FAM110B: variants seen among roughly 807,000 people sequenced by gnomAD.
FAM110B encodes family with sequence similarity 110 member B.
Under a neutral mutation model 20.4 loss-of-function variants are expected in FAM110B, and 6 were observed. The observed-to-expected ratio is 0.29, with a 90% CI of 0.16 to 0.58. FAM110B has a LOEUF of 0.58. FAM110B is among the 20% of genes least tolerant of loss of function. The pLI is 0.90. For synonymous variants in FAM110B, 226 were observed against 214.1 expected (o/e 1.06, Z -0.49); for missense variants, 434 against 498.2 (o/e 0.87, Z 1.23).
intron 3 of FAM110B, among the ~76,000 whole-genome samples, chr8:58,097,010 A>C (rs1273892265): frequency 6.6e-6 from 1 of 151,958 alleles, no homozygotes; most frequent in Non-Finnish European, 1.5e-5. Flanking sequence ...GAATCTGACG[A>C]TTATGTGTCT....
intron 1 of FAM110B, among the ~76,000 whole-genome samples, chr8:58,026,174 T>C (rs1025136358): frequency 1.6e-4 from 25 of 152,238 alleles, no homozygotes; most frequent in Non-Finnish European, 3.1e-4. Context: ...ATGCTTCTGA[T>C]AGTGCACCCT....
At chr8:58,018,442 GGTATATATAT>G (rs1284260116) in intron 1 of FAM110B, among the ~76,000 whole-genome samples, 1 of 151,930 alleles carries the variant, frequency 6.6e-6, no homozygotes, top group Non-Finnish European at 1.5e-5. Flanking sequence ...GAGTTTGCAT[GGTATATATAT>G]GTATATATTT....
intron 3 of FAM110B, among the ~76,000 whole-genome samples, chr8:58,143,031 C>T (rs1444757669): frequency 7.9e-6 from 1 of 126,882 alleles, no homozygotes; most frequent in Admixed American, 8.0e-5. Context: ...ATGGTTATCT[C>T]GTACAAAGTC....
At chr8:57,997,500 A>G (rs1466286662) in intron 1 of FAM110B, among the ~76,000 whole-genome samples, 1 of 152,176 alleles carries the variant, frequency 6.6e-6, no homozygotes, top group African/African-American at 2.4e-5. Context: ...AACTAATCTG[A>G]ACTTTTTTTC....
intron 3 of FAM110B, among the ~76,000 whole-genome samples, chr8:58,137,904 G>T (rs140786369): frequency 2.0e-3 from 308 of 152,304 alleles, no homozygotes; most frequent in Non-Finnish European, 3.6e-3. Flanking sequence ...CTCACATCAA[G>T]ATCAAAACTC....
At chr8:58,129,492 C>T (rs1023283544) in intron 3 of FAM110B, among the ~76,000 whole-genome samples, 2 of 152,258 alleles carry the variant, frequency 1.3e-5, no homozygotes, top group Non-Finnish European at 2.9e-5. Context: ...CCCTTCGGGG[C>T]CCCTGTTGGT....
At chr8:58,031,076 G>T (rs1804953424) in intron 1 of FAM110B, among the ~76,000 whole-genome samples, 1 of 152,176 alleles carries the variant, frequency 6.6e-6, no homozygotes, top group South Asian at 2.1e-4. Context: ...AGAAGTCCAG[G>T]ACCAGCGGAA....
chr8:58,131,655 G>A (rs1803471478), intron 3 of FAM110B, among the ~76,000 whole-genome samples: 1 of 152,070 alleles, frequency 6.6e-6, no homozygotes, highest in African/African-American at 2.4e-5. Context: ...TTTCTTTTCA[G>A]CACCCATGCT....
intron 3 of FAM110B, among the ~76,000 whole-genome samples, chr8:58,078,628 G>A (rs1806099560): frequency 7.2e-6 from 1 of 139,806 alleles, no homozygotes; most frequent in South Asian, 2.2e-4. Context: ...TCGGCTCACT[G>A]CAAGCTCCGC....
intron 3 of FAM110B, among the ~76,000 whole-genome samples, chr8:58,131,155 A>G (rs1803453529): frequency 6.6e-6 from 1 of 152,198 alleles, no homozygotes; most frequent in African/African-American, 2.4e-5. Context: ...CCTATAAGTC[A>G]TTATTCTCTG....
At chr8:58,070,719 G>T (rs925794157) in intron 2 of FAM110B, among the ~76,000 whole-genome samples, 2 of 152,142 alleles carry the variant, frequency 1.3e-5, no homozygotes, top group Non-Finnish European at 2.9e-5. Flanking sequence ...GACTTTGTTT[G>T]CATTGAGTCC....
chr8:58,136,053 C>T (rs1196691459), intron 3 of FAM110B, among the ~76,000 whole-genome samples: 2 of 133,430 alleles, frequency 1.5e-5, no homozygotes, highest in African/African-American at 5.7e-5. Flanking sequence ...AGCTGTGTCT[C>T]CAGGCTGAAG....
At chr8:58,008,399 C>T (rs995893622) in intron 1 of FAM110B, among the ~76,000 whole-genome samples, 2 of 152,114 alleles carry the variant, frequency 1.3e-5, no homozygotes, top group South Asian at 2.1e-4. Flanking sequence ...TCTCAAAGTA[C>T]TGGGATTACA....
At chr8:58,106,173 A>G (rs561676696) in intron 3 of FAM110B, 20 of 152,238 alleles carry the variant, frequency 1.3e-4, no homozygotes, top group Non-Finnish European at 2.2e-4. Context: ...TAGTTACCAT[A>G]GTATATTAAC....
intron 3 of FAM110B, among the ~76,000 whole-genome samples, chr8:58,121,826 C>T (rs574873777): frequency 3.5e-4 from 53 of 152,226 alleles, no homozygotes; most frequent in African/African-American, 1.3e-3. Context: ...ATCTCTATTC[C>T]AGGGTCATTT....
rs1029237962 is a variant in FAM110B at position 58,145,995 on chromosome 8, C to T, written c.-236C>T. On this transcript the variant is annotated 5_prime_UTR_variant, in exon 4 of 4. Coordinates refer to ENST00000519262, the MANE Select transcript of FAM110B (RefSeq NM_001377989.1). ...GAGGCAGCGAAGCAGATTAAAGGAA[C>T]TTGTGGCTTGTGGCCTTTTTGTGCA... 6.6e-5 allele frequency: 32 copies of T among 487,476 alleles called. No individual in the cohort carries two copies. Among genetic ancestry groups the T allele is most frequent in the Non-Finnish European group, 9.5e-5 (26 of 273,978 alleles). 30.2% of individuals were successfully genotyped at this position (487,476 alleles called of 1,614,324 possible).
chr8:58,019,257 G>A (rs1804695468), intron 1 of FAM110B, among the ~76,000 whole-genome samples: 1 of 135,390 alleles, frequency 7.4e-6, no homozygotes, highest in Admixed American at 8.3e-5. Context: ...AGAATCTCTT[G>A]AACCCGGGAG....
intron 2 of FAM110B, among the ~76,000 whole-genome samples, chr8:58,060,547 A>G (rs984107368): frequency 2.6e-5 from 4 of 152,132 alleles, no homozygotes; most frequent in Admixed American, 2.6e-4. Context: ...GTGCTTTCGT[A>G]TTATTTTTCT....
intron 1 of FAM110B, among the ~76,000 whole-genome samples, chr8:58,001,068 G>A (rs115657035): frequency 5.1e-4 from 77 of 152,272 alleles, no homozygotes; most frequent in African/African-American, 1.7e-3. Context: ...ACCATAAACC[G>A]TTTTATAATG....
Sources: allele counts gnomAD v4.1 joint callset (sites outside exome capture counted in the v4.1 genomes callset), GRCh38; gene constraint gnomAD v4.1.1; transcripts MANE v1.5; gene names NCBI Gene and HGNC (gene_info 2026-07-23, HGNC 2026-07-21).